SPDYE18: variants seen among roughly 807,000 people sequenced by gnomAD.
SPDYE18 encodes speedy protein E18.
A neutral mutation model predicts 44.9 loss-of-function variants in SPDYE18; 6 were observed. The ratio of observed to expected loss-of-function variants is 0.13; its 90% CI spans 0.07 to 0.26. The LOEUF (loss-of-function observed/expected upper bound fraction) is 0.26. Among genes scored for constraint, SPDYE18 ranks in the 10% least tolerant of loss-of-function variants. The probability of loss-of-function intolerance (pLI) is 1.00; values close to 1 mark genes in which losing one functional copy is unlikely to be tolerated. For missense variants in SPDYE18, 121 were observed against 463.2 expected (o/e 0.26, Z 6.78); for synonymous variants, 35 against 177.1 (o/e 0.20, Z 6.37).
chr7:77,059,880 C>A (rs926392775), intron 2 of SPDYE18, among the ~76,000 whole-genome samples: 1 of 147,910 alleles, frequency 6.8e-6, no homozygotes, highest in Non-Finnish European at 1.5e-5. Context: ...AAACTCCTGG[C>A]CTCAAGTGAT....
chr7:77,053,259 T>C (rs1789847859), intron 6 of SPDYE18, 56 bp from the exon 7 acceptor site: 1 of 1,606,880 alleles, frequency 6.2e-7, no homozygotes, highest in Non-Finnish European at 8.5e-7. Flanking sequence ...GGCCTCCGGC[T>C]GAGGTCAGCT....
Position 77,060,343 on chromosome 7 carries a change from G to A in SPDYE18, c.160+10C>T. On this transcript the variant is annotated intron_variant, in intron 2 of 8. Coordinates refer to ENST00000510091, the MANE Select transcript of SPDYE18 (RefSeq NM_001394953.1). ...CCCTATCCCACCTCTTCTTCCACCAGTCCCCTCACCTGATGGTCCCAACAC... is the reference window on the plus strand; with the variant it reads ...CCCTATCCCACCTCTTCTTCCACCAATCCCCTCACCTGATGGTCCCAACAC... 1 of 1,535,172 alleles carries A rather than the reference G, an allele frequency of 6.5e-7. No individual in the cohort carries two copies. Among genetic ancestry groups the A allele is most frequent in the Non-Finnish European group, 8.7e-7 (1 of 1,146,776 alleles).
intron 2 of SPDYE18, among the ~76,000 whole-genome samples, chr7:77,060,008 C>CTTCTTTTCTTTT (rs1789994520): frequency 7.0e-6 from 1 of 141,866 alleles, no homozygotes; most frequent in Non-Finnish European, 1.5e-5. Context: ...ACCGCTGACC[C>CTTCTTTTCTTTT]TTCTTTTCTT....
Position 77,059,404 on chromosome 7 carries a change from T to C in SPDYE18, c.161-6A>G, listed in dbSNP as rs1789984419. ...GCTGGGATCTACCCCAGGGGCTGAGTAAAGAAACCAGGCCACTGTGTAATG... is the reference window on the plus strand; with the variant it reads ...GCTGGGATCTACCCCAGGGGCTGAGCAAAGAAACCAGGCCACTGTGTAATG... On this transcript the variant is annotated splice_polypyrimidine_tract_variant and splice_region_variant and intron_variant, in intron 2 of 8. Transcript: ENST00000510091. 6 of 1,510,240 alleles carry C rather than the reference T, an allele frequency of 4.0e-6. 1 individual carries two copies. The highest frequency in any genetic ancestry group is 5.3e-6 in the Non-Finnish European group (6 of 1,134,914). 93.6% of individuals were successfully genotyped at this position (1,510,240 alleles called of 1,614,324 possible). A position where few individuals can be genotyped will look rare whatever the true frequency, so the allele number is the denominator to read the frequency against.
rs1244282075 is a variant in SPDYE18, at chr7:77,050,730, A to G, written c.*1195T>C. On this transcript the variant is annotated 3_prime_UTR_variant, in exon 9 of 9. Transcript: ENST00000510091. ...TAATAGATACAAAGATTGAAAGGTA[A>G]AAGATTTAGGATGAAAAGAATCCTC... 6.6e-6 allele frequency among the ~76,000 whole-genome samples: 1 copy of G among 152,256 alleles called. No homozygotes were observed. The highest frequency in any genetic ancestry group is 2.1e-4 in the South Asian group (1 of 4,828).
chr7:77,053,492 CAGG>C (rs1413260823), intron 6 of SPDYE18, among the ~76,000 whole-genome samples: 1 of 152,240 alleles, frequency 6.6e-6, no homozygotes, highest in Non-Finnish European at 1.5e-5. Flanking sequence ...CACTTGAGGC[CAGG>C]AGTTTGAGAC....
intron 3 of SPDYE18, among the ~76,000 whole-genome samples, chr7:77,058,617 C>T (rs1450548770): frequency 5.5e-5 from 8 of 146,410 alleles, no homozygotes; most frequent in Non-Finnish European, 1.1e-4. Context: ...AGCGATTATC[C>T]TGTCTCAGCC....
chr7:77,053,315 C>G (rs1789849354), intron 6 of SPDYE18, 112 bp from the exon 7 acceptor site: 10 of 1,484,576 alleles, frequency 6.7e-6, no homozygotes, highest in South Asian at 4.1e-5. Flanking sequence ...AGGACTGGCA[C>G]CCACCCTGCA....
In SPDYE18 at chr7:77,053,429, G is replaced by GT. The variant is rs74313089; in HGVS notation, c.756-227dup. Among the ~76,000 whole-genome samples, 2,372 of 152,136 alleles carry GT rather than the reference G, an allele frequency of 0.016. 26 individuals are homozygous for GT. The East Asian group carries it at 0.17, about 11-fold the overall frequency. ...ACAAAAGCCCAACTGGTGGCCGAGA[G>GT]TGGTGGCTTATGCCTGGAATCCCAG... On this transcript the variant is annotated intron_variant, in intron 6 of 8. Coordinates refer to ENST00000510091, the MANE Select transcript of SPDYE18 (RefSeq NM_001394953.1).
Position 77,054,331 on chromosome 7 carries a change from C to T in SPDYE18, c.755+905G>A, listed in dbSNP as rs866015366. Among the ~76,000 whole-genome samples the T allele has an allele frequency of 9.5e-5, 14 of 147,248 alleles. No individual in the cohort carries two copies. In the South Asian group the frequency reaches 1.6e-3, roughly 17 times the overall value. On this transcript the variant is annotated intron_variant, in intron 6 of 8. Coordinates refer to ENST00000510091, the MANE Select transcript of SPDYE18 (RefSeq NM_001394953.1). Reference sequence around the variant, plus strand: ...GCCGAGCCAGGAAATACCAAGATGGCGAGCCAGTGTGCTTGTAGAGATTGT... The same window carrying T: ...GCCGAGCCAGGAAATACCAAGATGGTGAGCCAGTGTGCTTGTAGAGATTGT...
chr7:77,055,653 G>C lies in SPDYE18; in HGVS notation c.670-332C>G, dbSNP rs868801427. Among the ~76,000 whole-genome samples the C allele has an allele frequency of 2.7e-4, 16 of 59,856 alleles. 5 individuals carry two copies. The highest frequency in any genetic ancestry group is 6.8e-4 in the African/African-American group (4 of 5,880). The allele number at this position is 59,856 out of a possible 152,430, so 39.3% of individuals were successfully genotyped here. A position where few individuals can be genotyped will look rare whatever the true frequency, so the allele number is the denominator to read the frequency against. On this transcript the variant is annotated intron_variant, in intron 5 of 8. Coordinates refer to ENST00000510091, the MANE Select transcript of SPDYE18 (RefSeq NM_001394953.1). Reference sequence around the variant, plus strand: ...GTCCCAAGGAGCTGAGAGTAGAGGGGCCAGGAGCTTCAGGGCTGCAGCCAG... The same window carrying C: ...GTCCCAAGGAGCTGAGAGTAGAGGGCCCAGGAGCTTCAGGGCTGCAGCCAG...
At position 77,057,811 on chromosome 7, in the gene SPDYE18, CCCTCTT is replaced by C; in HGVS notation, c.430_435del (p.Lys144_Arg145del). On this transcript the variant is annotated inframe_deletion, in exon 4 of 9. Coordinates refer to ENST00000510091, the MANE Select transcript of SPDYE18 (RefSeq NM_001394953.1). ...GACTCCTCAGATTCGTCCCACCACT[CCCTCTT>C]CCTTTTCCAGCAAAAGGACCTATGC... 2 of 1,553,498 alleles carry C rather than the reference CCCTCTT, an allele frequency of 1.3e-6. No homozygotes were observed. Among genetic ancestry groups the C allele is most frequent in the Admixed American group, 3.9e-5 (2 of 51,484 alleles).
At position 77,051,098 on chromosome 7, in the gene SPDYE18, A is replaced by G. The variant is rs1335564488; in HGVS notation, c.*827T>C. Among the ~76,000 whole-genome samples the G allele has an allele frequency of 2.0e-5, 3 of 151,878 alleles. No individual in the cohort carries two copies. Among genetic ancestry groups the G allele is most frequent in the South Asian group, 4.1e-4 (2 of 4,822 alleles). ...ACCTAAACAGCAAATAAAAATTTCT[A>G]TCACCAGAATTATGTTTTTTTCTGG... On this transcript the variant is annotated 3_prime_UTR_variant, in exon 9 of 9. Transcript: ENST00000510091.
intron 8 of SPDYE18, among the ~76,000 whole-genome samples, chr7:77,052,406 G>A (rs1168469585): frequency 7.2e-4 from 100 of 138,554 alleles, no homozygotes; most frequent in African/African-American, 1.6e-3. Context: ...ACTCAAGTGC[G>A]TCAATCATAA....
intron 5 of SPDYE18, among the ~76,000 whole-genome samples, chr7:77,055,926 AT>A (rs2117319044): frequency 6.6e-6 from 1 of 150,520 alleles, no homozygotes; most frequent in East Asian, 2.0e-4. Flanking sequence ...TTCTACAAAC[AT>A]TTCAAAAATT....
At chr7:77,053,987 G>A (rs1180577578) in intron 6 of SPDYE18, among the ~76,000 whole-genome samples, 1 of 150,652 alleles carries the variant, frequency 6.6e-6, no homozygotes, top group African/African-American at 2.4e-5. Flanking sequence ...TCCAGCTTGG[G>A]GGACAGGGCA....
chr7:77,059,255 GC>G lies in SPDYE18; in HGVS notation c.303del (p.Leu102SerfsTer3), dbSNP rs1431692713. On this transcript the variant is annotated frameshift_variant, in exon 3 of 9. Transcript: ENST00000510091. LOFTEE classifies it high-confidence loss of function. ...CGCTGTTGCTTCAGCTTCATCTTGAGCCCACACAGCATCTCCACTACCCAGG... is the reference window on the plus strand; with the variant it reads ...CGCTGTTGCTTCAGCTTCATCTTGAGCCACACAGCATCTCCACTACCCAGG... ...EETWVVEMLC[G>X]LKMKLKQQRV... The G allele has an allele frequency of 1.3e-6, 2 of 1,563,432 alleles. No individual in the cohort carries two copies. Among genetic ancestry groups the G allele is most frequent in the African/African-American group, 2.7e-5 (2 of 73,742 alleles).
At position 77,051,676 on chromosome 7, in the gene SPDYE18, G is replaced by A. The variant is rs1203530191; in HGVS notation, c.*249C>T. 7.2e-5 allele frequency among the ~76,000 whole-genome samples: 11 copies of A among 152,000 alleles called. No individual in the cohort carries two copies. The highest frequency in any genetic ancestry group is 1.0e-4 in the Non-Finnish European group (7 of 67,986). On this transcript the variant is annotated 3_prime_UTR_variant, in exon 9 of 9. Transcript: ENST00000510091. The stretch of plus-strand genomic sequence containing the variant: ...CTCCTGTTTTCTTACTTTTCTCCAA[G>A]GACTCCTAGAAGGACCCCACCCCCC...
At chr7:77,052,294 A>G (rs1384335363) in intron 8 of SPDYE18, among the ~76,000 whole-genome samples, 1 of 152,018 alleles carries the variant, frequency 6.6e-6, no homozygotes, top group Non-Finnish European at 1.5e-5. Flanking sequence ...CCTAATCCTT[A>G]ATCCTACCTC....
Sources: allele counts gnomAD v4.1 joint callset (sites outside exome capture counted in the v4.1 genomes callset), GRCh38; gene constraint gnomAD v4.1.1; transcripts MANE v1.5; gene names NCBI Gene and HGNC (gene_info 2026-07-23, HGNC 2026-07-21).